FANCL: variants seen among roughly 807,000 people sequenced by gnomAD.
FANCL encodes the protein E3 ubiquitin-protein ligase FANCL.
In FANCL, 69 loss-of-function variants were observed where a neutral mutation model predicts 59.4. That is an observed-to-expected ratio of 1.16 (90% CI 0.96 to 1.42). The LOEUF (loss-of-function observed/expected upper bound fraction) is 1.42. Ranked by LOEUF, FANCL falls within the 40% of genes most tolerant of loss-of-function variation. FANCL has a pLI of 0.00. For synonymous variants in FANCL, 180 were observed against 147.1 expected (o/e 1.22, Z -1.62); for missense variants, 519 against 447.2 (o/e 1.16, Z -1.45).
chr2:58,210,712 G>A (rs777575772), intron 5 of FANCL, among the ~76,000 whole-genome samples: 22 of 152,230 alleles, frequency 1.4e-4, no homozygotes, highest in Non-Finnish European at 2.5e-4. Context: ...ATAGGCATTC[G>A]ATAAATACAG....
At chr2:58,185,277 C>A (rs945587496) in intron 7 of FANCL, among the ~76,000 whole-genome samples, 4 of 152,094 alleles carry the variant, frequency 2.6e-5, no homozygotes, top group African/African-American at 9.7e-5. Flanking sequence ...TCTCCTAAGG[C>A]ACTTAATGAA....
chr2:58,160,118 T>C lies in FANCL; in HGVS notation c.1082A>G (p.Tyr361Cys). Residue 361 changes from tyrosine to cysteine, a missense_variant, in exon 13 of 14, where the codon TAT becomes TGT. Transcript: ENST00000233741. ...SFNIIFGECP[Y>C]CSKPITLKMS... Reference sequence around the variant, plus strand: ...TAACAATTTGCTTACCTTACTACAATATGGACATTCACCAAATATGATGTT... The same window carrying C: ...TAACAATTTGCTTACCTTACTACAACATGGACATTCACCAAATATGATGTT... 1 of 1,612,702 alleles carries C rather than the reference T, an allele frequency of 6.2e-7. No homozygotes were observed. Among genetic ancestry groups the C allele is most frequent in the Non-Finnish European group, 8.5e-7 (1 of 1,178,930 alleles).
chr2:58,206,713 A>T (rs924725251), intron 5 of FANCL, among the ~76,000 whole-genome samples: 2 of 152,214 alleles, frequency 1.3e-5, no homozygotes, highest in Admixed American at 6.5e-5. Context: ...CACGCTCAAA[A>T]ATATGGCCTG....
chr2:58,199,322 A>G (rs965641452), intron 6 of FANCL, among the ~76,000 whole-genome samples: 4 of 152,178 alleles, frequency 2.6e-5, no homozygotes, highest in African/African-American at 9.6e-5. Context: ...ATGAGTTGAT[A>G]TTTAATTTTC....
chr2:58,165,663 T>G (rs1360266885), intron 8 of FANCL, 61 bp downstream of exon 8: 5 of 737,846 alleles, frequency 6.8e-6, no homozygotes, highest in Non-Finnish European at 7.7e-6. Flanking sequence ...ATTGTTAGAT[T>G]TATTTTCATA....
chr2:58,204,242 G>A lies in FANCL; in HGVS notation c.375-16C>T, dbSNP rs1400979712. 5.0e-6 allele frequency: 8 copies of A among 1,598,744 alleles called. No homozygotes were observed. Among genetic ancestry groups the A allele is most frequent in the African/African-American group, 1.3e-5 (1 of 74,572 alleles). On this transcript the variant is annotated splice_polypyrimidine_tract_variant and intron_variant, in intron 5 of 13. Coordinates refer to ENST00000233741, the MANE Select transcript of FANCL (RefSeq NM_018062.4). ...ATACACAAGTCTGGTGAGCAGAGGA[G>A]AATAAAAAATGATCACACCGGGGAG...
intron 6 of FANCL, among the ~76,000 whole-genome samples, chr2:58,201,193 T>C (rs1689979432): frequency 6.6e-6 from 1 of 151,570 alleles, no homozygotes; most frequent in Non-Finnish European, 1.5e-5. Flanking sequence ...ATAAGTTGTA[T>C]AGGTATATAT....
chr2:58,227,150 G>T (rs966142984), intron 3 of FANCL, among the ~76,000 whole-genome samples: 4 of 152,170 alleles, frequency 2.6e-5, no homozygotes, highest in Non-Finnish European at 5.9e-5. Flanking sequence ...AACCTCTAGG[G>T]GAGCATACAG....
At chr2:58,201,180 A>G (rs894109477) in intron 6 of FANCL, among the ~76,000 whole-genome samples, 3 of 151,564 alleles carry the variant, frequency 2.0e-5, no homozygotes, top group African/African-American at 7.3e-5. Flanking sequence ...ATACTTTTCA[A>G]TAATAAGTTG....
intron 5 of FANCL, among the ~76,000 whole-genome samples, chr2:58,218,113 A>AT (rs1269026974): frequency 2.6e-5 from 4 of 152,094 alleles, no homozygotes; most frequent in African/African-American, 9.7e-5. Context: ...GAAAATTAAT[A>AT]TTTTTAACTG....
intron 1 of FANCL, among the ~76,000 whole-genome samples, chr2:58,238,814 G>T (rs1465645781): frequency 6.6e-6 from 1 of 152,070 alleles, no homozygotes; most frequent in Non-Finnish European, 1.5e-5. Context: ...ACATCATATA[G>T]CTTCTAAAAA....
intron 7 of FANCL, among the ~76,000 whole-genome samples, chr2:58,174,358 C>G (rs900586235): frequency 6.6e-6 from 1 of 152,156 alleles, no homozygotes; most frequent in African/African-American, 2.4e-5. Context: ...CCACACCACA[C>G]CTGTTCCAAA....
At chr2:58,237,262 C>T (rs929892435) in intron 1 of FANCL, among the ~76,000 whole-genome samples, 2 of 151,988 alleles carry the variant, frequency 1.3e-5, no homozygotes, top group Non-Finnish European at 2.9e-5. Context: ...AAATTTAAAT[C>T]ATACAAGTTA....
At chr2:58,205,803 T>A (rs909673374) in intron 5 of FANCL, among the ~76,000 whole-genome samples, 1 of 152,072 alleles carries the variant, frequency 6.6e-6, no homozygotes, top group Non-Finnish European at 1.5e-5. Context: ...ATGACTGATA[T>A]ACTGGCAGAA....
intron 7 of FANCL, among the ~76,000 whole-genome samples, chr2:58,166,987 G>A (rs373252087): frequency 3.9e-5 from 6 of 152,318 alleles, no homozygotes; most frequent in South Asian, 2.1e-4. Context: ...GCTGAGGTGC[G>A]CAGATCACGA....
intron 5 of FANCL, among the ~76,000 whole-genome samples, chr2:58,208,210 C>T (rs1690782908): frequency 6.6e-6 from 1 of 151,956 alleles, no homozygotes; most frequent in South Asian, 2.1e-4. Flanking sequence ...AAATAAAATG[C>T]TAGCAATAAG....
In FANCL at chr2:58,187,601, T is replaced by C. The variant is rs180745738; in HGVS notation, c.540+10993A>G. ...AAAAAGTGTTGCAAAGAAAGTGAAG[T>C]TGGAAGCAAGAATTACCTGATTTCT... On this transcript the variant is annotated intron_variant, in intron 7 of 13. Coordinates refer to ENST00000233741, the MANE Select transcript of FANCL (RefSeq NM_018062.4). 1.4e-4 allele frequency among the ~76,000 whole-genome samples: 21 copies of C among 150,874 alleles called. No homozygotes were observed. The East Asian group carries it at 3.9e-3, about 28-fold the overall frequency.
chr2:58,183,484 G>A (rs534130437), intron 7 of FANCL, among the ~76,000 whole-genome samples: 1 of 152,000 alleles, frequency 6.6e-6, no homozygotes, highest in African/African-American at 2.4e-5. Context: ...GAAGAGGTCA[G>A]CATTTTGTAG....
At chr2:58,206,190 AAG>A (rs1553449473) in intron 5 of FANCL, among the ~76,000 whole-genome samples, 3 of 152,128 alleles carry the variant, frequency 2.0e-5, no homozygotes, top group Non-Finnish European at 4.4e-5. Flanking sequence ...ATGGACGTGA[AAG>A]AGGTTTAAGA....
Sources: gnomAD v4.1 joint callset for allele counts (sites outside exome capture counted in the v4.1 genomes callset) on GRCh38, gnomAD v4.1.1 for gene constraint, MANE v1.5 for transcripts, NCBI Gene and HGNC (gene_info 2026-07-23, HGNC 2026-07-21) for gene names.